IGSF21: variants seen among roughly 807,000 people sequenced by gnomAD.
IGSF21 encodes immunoglobin superfamily member 21.
In IGSF21, 28 loss-of-function variants were observed where a neutral mutation model predicts 46.8. The observed-to-expected ratio is 0.60, with a 90% CI of 0.44 to 0.82. IGSF21 has a LOEUF of 0.82. IGSF21 is among the 40% of genes least tolerant of loss of function. IGSF21 has a pLI of 0.00. For missense variants in IGSF21, 624 were observed against 665.5 expected, an observed-to-expected ratio of 0.94 and a Z score of 0.69; for synonymous variants, 284 against 273.6, an observed-to-expected ratio of 1.04 and a Z score of -0.38.
Position 18,293,829 on chromosome 1 carries a change from G to A in IGSF21, c.305+1842G>A, listed in dbSNP as rs115719269. Among the ~76,000 whole-genome samples the A allele has an allele frequency of 2.7e-3, 413 of 152,236 alleles. 4 individuals carry two copies. Among genetic ancestry groups the A allele is most frequent in the Middle Eastern group, 0.01 (3 of 294 alleles). On this transcript the variant is annotated intron_variant, in intron 3 of 9. Coordinates refer to ENST00000251296, the MANE Select transcript of IGSF21 (RefSeq NM_032880.5). ...CCAAGCCACCCGCTGCCACCAGCAA[G>A]GCCTCTAGGACTCCTTGGTTCTGAT...
intron 1 of IGSF21, among the ~76,000 whole-genome samples, chr1:18,154,779 C>A (rs573841617): frequency 6.6e-6 from 1 of 151,762 alleles, no homozygotes; most frequent in Non-Finnish European, 1.5e-5. Context: ...CCTTTCCCCT[C>A]CCTTTCCCTC....
intron 1 of IGSF21, among the ~76,000 whole-genome samples, chr1:18,108,985 A>AGTGTGTGTGTGTGTGT (rs10686337): frequency 0.044 from 5,662 of 127,740 alleles, 187 homozygotes; most frequent in South Asian, 0.08. Context: ...TGAGCAGCTC[A>AGTGTGTGTGTGTGTGT]GTGTGTGTGT....
chr1:18,271,167 A>G (rs370897696), intron 2 of IGSF21, among the ~76,000 whole-genome samples: 7 of 152,180 alleles, frequency 4.6e-5, no homozygotes, highest in South Asian at 4.1e-4. Context: ...TGCTGCTTAC[A>G]TGACTCTGAG....
In IGSF21 at chr1:18,115,897, G is replaced by GAA. The variant is rs2086185535; in HGVS notation, c.70+7701_70+7702dup. The stretch of plus-strand genomic sequence containing the variant: ...AGAAAGAAAGAAAGAAAGAAAGAAA[G>GAA]AAAGAAGGAGAGGGAGGGAGGGAGG... On this transcript the variant is annotated intron_variant, in intron 1 of 9. Transcript: ENST00000251296. The GAA allele has an allele frequency of 4.4e-5, 4 of 90,310 alleles. 1 individual carries two copies. Among genetic ancestry groups the GAA allele is most frequent in the Non-Finnish European group, 8.6e-5 (4 of 46,320 alleles). The allele number at this position is 90,310 out of a possible 1,614,324, so 5.6% of individuals were successfully genotyped here. A position where few individuals can be genotyped will look rare whatever the true frequency, so the allele number is the denominator to read the frequency against.
chr1:18,200,735 G>C (rs1438342600), intron 1 of IGSF21, among the ~76,000 whole-genome samples: 1 of 152,170 alleles, frequency 6.6e-6, no homozygotes, highest in Non-Finnish European at 1.5e-5. Context: ...TCTTTTAGAG[G>C]GATATAGCTC....
At chr1:18,249,528 A>C (rs2084816686) in intron 2 of IGSF21, among the ~76,000 whole-genome samples, 1 of 152,080 alleles carries the variant, frequency 6.6e-6, no homozygotes, top group South Asian at 2.1e-4. Context: ...CAGTGTGGAC[A>C]TTGGGGGCAG....
At chr1:18,270,044 T>C (rs527808597) in intron 2 of IGSF21, among the ~76,000 whole-genome samples, 1 of 152,300 alleles carries the variant, frequency 6.6e-6, no homozygotes, top group South Asian at 2.1e-4. Context: ...CTATCTCCCT[T>C]TCTCAAGGAC....
At chr1:18,344,285 C>G (rs2085871275) in intron 4 of IGSF21, among the ~76,000 whole-genome samples, 1 of 152,200 alleles carries the variant, frequency 6.6e-6, no homozygotes, top group Admixed American at 6.5e-5. Context: ...CCTCCTGCCT[C>G]AGCCTCCCTA....
chr1:18,361,890 A>G, intron 4 of IGSF21: 3 of 549,860 alleles, frequency 5.5e-6, no homozygotes, highest in Non-Finnish European at 6.6e-6. Flanking sequence ...TGTGTCTTCT[A>G]CACTAAACTG....
intron 1 of IGSF21, among the ~76,000 whole-genome samples, chr1:18,162,935 G>A (rs1394521184): frequency 6.6e-6 from 1 of 152,180 alleles, no homozygotes; most frequent in Non-Finnish European, 1.5e-5. Context: ...TTTGGACTTG[G>A]GGGACCAGGA....
At chr1:18,248,945 G>A (rs574979665) in intron 2 of IGSF21, among the ~76,000 whole-genome samples, 6 of 152,196 alleles carry the variant, frequency 3.9e-5, no homozygotes, top group African/African-American at 1.4e-4. Flanking sequence ...GCTTCGCAGG[G>A]GAAGAAAAGT....
chr1:18,127,424 G>T (rs16861613), intron 1 of IGSF21, among the ~76,000 whole-genome samples: 13,028 of 152,080 alleles, frequency 0.086, 638 homozygotes, highest in Middle Eastern at 0.16. Context: ...TGAGGAAAGA[G>T]TCCTGGCATC....
At chr1:18,172,400 C>A (rs1158468820) in intron 1 of IGSF21, among the ~76,000 whole-genome samples, 1 of 152,184 alleles carries the variant, frequency 6.6e-6, no homozygotes, top group Non-Finnish European at 1.5e-5. Context: ...GCTGCCATAA[C>A]ACATATCATA....
intron 1 of IGSF21, among the ~76,000 whole-genome samples, chr1:18,202,852 A>T (rs774897229): frequency 6.6e-6 from 1 of 152,234 alleles, no homozygotes; most frequent in Non-Finnish European, 1.5e-5. Context: ...GGGAATGGAC[A>T]AACACCAAAA....
chr1:18,178,052 T>G (rs1159611152), intron 1 of IGSF21, among the ~76,000 whole-genome samples: 1 of 151,576 alleles, frequency 6.6e-6, no homozygotes, highest in African/African-American at 2.4e-5. Flanking sequence ...AACCTTGAAG[T>G]GTGAGGTTGT....
At chr1:18,315,864 G>A (rs1390403662) in intron 3 of IGSF21, among the ~76,000 whole-genome samples, 1 of 151,656 alleles carries the variant, frequency 6.6e-6, no homozygotes, top group African/African-American at 2.4e-5. Context: ...ATGGATAGCT[G>A]GAGAGATGAG....
intron 1 of IGSF21, among the ~76,000 whole-genome samples, chr1:18,147,759 G>T (rs114886442): frequency 1.3e-5 from 2 of 152,116 alleles, no homozygotes; most frequent in Non-Finnish European, 2.9e-5. Flanking sequence ...TTTGTGAAAG[G>T]TACTATTATT....
At chr1:18,249,380 G>A (rs961187463) in intron 2 of IGSF21, among the ~76,000 whole-genome samples, 13 of 152,168 alleles carry the variant, frequency 8.5e-5, no homozygotes, top group African/African-American at 2.9e-4. Flanking sequence ...TGGGCAATAG[G>A]TGGGTGGCCA....
intron 2 of IGSF21, among the ~76,000 whole-genome samples, chr1:18,231,762 G>A (rs1192777152): frequency 2.0e-5 from 3 of 152,182 alleles, no homozygotes; most frequent in Non-Finnish European, 4.4e-5. Flanking sequence ...ATAACCTGCT[G>A]TAGAACATTG....
Sources: allele counts gnomAD v4.1 joint callset (sites outside exome capture counted in the v4.1 genomes callset), GRCh38; gene constraint gnomAD v4.1.1; transcripts MANE v1.5; gene names NCBI Gene and HGNC (gene_info 2026-07-23, HGNC 2026-07-21).